Variants in MAML3 observed in about 807,000 individuals in gnomAD.
MAML3 encodes the protein mastermind-like protein 3.
MAML3 carries 27 observed loss-of-function variants against 101.9 expected under a neutral mutation model. The observed-to-expected ratio is 0.27, with a 90% CI of 0.20 to 0.37. The LOEUF (loss-of-function observed/expected upper bound fraction) is 0.37. MAML3 is among the 10% of genes least tolerant of loss of function. The probability of loss-of-function intolerance (pLI) is 1.00; values close to 1 mark genes in which losing one functional copy is unlikely to be tolerated. For missense variants in MAML3, 1,316 were observed against 1,444.9 expected (o/e 0.91, Z 1.45); for synonymous variants, 501 against 555.9 (o/e 0.90, Z 1.39).
chr4:139,935,231 G>A (rs1027701542), intron 1 of MAML3, among the ~76,000 whole-genome samples: 9 of 130,970 alleles, frequency 6.9e-5, no homozygotes, highest in African/African-American at 6.0e-5. Flanking sequence ...TTTTTTTTTC[G>A]GACTGATATT....
chr4:139,997,927 TG>T (rs1319412427), intron 1 of MAML3, among the ~76,000 whole-genome samples: 1 of 152,164 alleles, frequency 6.6e-6, no homozygotes, highest in East Asian at 1.9e-4. Flanking sequence ...TCCCTATATG[TG>T]GTAAGCCATT....
At chr4:139,977,303 G>A (rs1184944778) in intron 1 of MAML3, among the ~76,000 whole-genome samples, 1 of 152,060 alleles carries the variant, frequency 6.6e-6, no homozygotes, top group Non-Finnish European at 1.5e-5. Context: ...TACGCAGGAC[G>A]GCCCCCGCCA....
intron 1 of MAML3, among the ~76,000 whole-genome samples, chr4:140,049,691 G>A (rs28483898): frequency 0.18 from 27,575 of 151,740 alleles, 2,891 homozygotes; most frequent in African/African-American, 0.29. Context: ...TAAAAGGACA[G>A]ACTACACTGT....
At chr4:140,077,561 A>G (rs1430256710) in intron 1 of MAML3, among the ~76,000 whole-genome samples, 1 of 152,182 alleles carries the variant, frequency 6.6e-6, no homozygotes, top group Non-Finnish European at 1.5e-5. Flanking sequence ...GCCTCAGTTC[A>G]CTTATCCTCA....
chr4:139,956,110 A>G (rs1733910734), intron 1 of MAML3, among the ~76,000 whole-genome samples: 1 of 152,210 alleles, frequency 6.6e-6, no homozygotes, highest in South Asian at 2.1e-4. Flanking sequence ...CTTGCTACTT[A>G]TATAATTGGT....
At chr4:139,932,046 T>G (rs769680) in intron 1 of MAML3, among the ~76,000 whole-genome samples, 6,949 of 152,094 alleles carry the variant, frequency 0.046, 524 homozygotes, top group African/African-American at 0.16. Flanking sequence ...TAGAAATAAT[T>G]TTTTGATTTG....
chr4:139,761,947 A>G (rs1729767859), intron 2 of MAML3, among the ~76,000 whole-genome samples: 1 of 152,162 alleles, frequency 6.6e-6, no homozygotes. Flanking sequence ...GTGGACAAGC[A>G]GTTCTATATT....
At chr4:140,022,910 T>C (rs917335852) in intron 1 of MAML3, among the ~76,000 whole-genome samples, 3 of 152,318 alleles carry the variant, frequency 2.0e-5, no homozygotes, top group Middle Eastern at 3.4e-3. Context: ...TCAGTTCTTA[T>C]GTTGTATACT....
At chr4:140,114,877 A>G (rs1310970264) in intron 1 of MAML3, among the ~76,000 whole-genome samples, 1 of 152,242 alleles carries the variant, frequency 6.6e-6, no homozygotes, top group Non-Finnish European at 1.5e-5. Context: ...AACATATTTA[A>G]TAATAATCCC....
chr4:139,840,055 A>G (rs1731334309), intron 2 of MAML3, among the ~76,000 whole-genome samples: 3 of 152,220 alleles, frequency 2.0e-5, no homozygotes, highest in Admixed American at 2.0e-4. Flanking sequence ...AAGTCTGTAT[A>G]TCACCATGAC....
At chr4:140,100,734 T>A (rs934090468) in intron 1 of MAML3, among the ~76,000 whole-genome samples, 2 of 152,140 alleles carry the variant, frequency 1.3e-5, no homozygotes, top group African/African-American at 4.8e-5. Context: ...AATTCTTTGA[T>A]CCTTCTTCCA....
In MAML3 at chr4:139,725,750, C is replaced by T. The variant is rs1728444609; in HGVS notation, c.2416+1G>A. ...AATGAGAGAGGTTGCACTGGCCTCA[C>T]CTTGAAACTGATTGACCTGCTGCAC... On this transcript the variant is annotated splice_donor_variant, in intron 4 of 4. Transcript: ENST00000509479. LOFTEE classifies it high-confidence loss of function. The T allele has an allele frequency of 6.2e-7, 1 of 1,613,910 alleles. No individual in the cohort carries two copies. Among genetic ancestry groups the T allele is most frequent in the Non-Finnish European group, 8.5e-7 (1 of 1,179,830 alleles).
chr4:139,858,139 G>C (rs1731702208), intron 2 of MAML3, among the ~76,000 whole-genome samples: 2 of 152,208 alleles, frequency 1.3e-5, no homozygotes, highest in South Asian at 4.1e-4. Flanking sequence ...TTATGTGTAA[G>C]TGCTACCATT....
At chr4:139,900,055 C>T (rs539847023) in intron 1 of MAML3, among the ~76,000 whole-genome samples, 6 of 69,610 alleles carry the variant, frequency 8.6e-5, no homozygotes, top group African/African-American at 1.8e-4. Flanking sequence ...GGGGGCACCG[C>T]GGAGCCCCCA....
intron 1 of MAML3, among the ~76,000 whole-genome samples, chr4:140,098,284 C>T (rs913592631): frequency 6.6e-6 from 1 of 152,228 alleles, no homozygotes; most frequent in African/African-American, 2.4e-5. Context: ...ACAATGCGCA[C>T]GTCCTTGGGC....
At chr4:140,040,723 T>C (rs1578655297) in intron 1 of MAML3, among the ~76,000 whole-genome samples, 1 of 152,358 alleles carries the variant, frequency 6.6e-6, no homozygotes, top group East Asian at 1.9e-4. Context: ...CTACTGACCT[T>C]ATCTTGCCAG....
intron 1 of MAML3, among the ~76,000 whole-genome samples, chr4:140,060,377 A>AAAAAAAAAAAAAAAAAAAAG: frequency 1.4e-5 from 2 of 146,972 alleles, no homozygotes; most frequent in Non-Finnish European, 3.0e-5. Context: ...AAAAAAAAAA[A>AAAAAAAAAAAAAAAAAAAAG]AAAAAAAAGT....
intron 1 of MAML3, among the ~76,000 whole-genome samples, chr4:139,978,717 T>A (rs1734391706): frequency 6.6e-6 from 1 of 151,978 alleles, no homozygotes; most frequent in African/African-American, 2.4e-5. Flanking sequence ...CAAAGAGACT[T>A]GGGTCTCTTT....
At chr4:139,884,469 T>G (rs1460087841) in intron 2 of MAML3, among the ~76,000 whole-genome samples, 2 of 152,220 alleles carry the variant, frequency 1.3e-5, no homozygotes, top group Non-Finnish European at 2.9e-5. Context: ...ACTGCAAGTA[T>G]GAAAAATTAA....
Sources: allele counts gnomAD v4.1 joint callset (sites outside exome capture counted in the v4.1 genomes callset), GRCh38; gene constraint gnomAD v4.1.1; transcripts MANE v1.5; gene names NCBI Gene and HGNC (gene_info 2026-07-23, HGNC 2026-07-21).